OPCML: variants seen among roughly 807,000 people sequenced by gnomAD.
OPCML encodes the protein opioid binding protein/cell adhesion molecule like.
A neutral mutation model predicts 37.8 loss-of-function variants in OPCML; 13 were observed. The ratio of observed to expected loss-of-function variants is 0.34; its 90% CI spans 0.22 to 0.55. OPCML has a LOEUF of 0.55. Ranked by LOEUF, OPCML falls within the 20% of genes least tolerant of loss-of-function variation. The probability of loss-of-function intolerance (pLI) is 0.91; values close to 1 mark genes in which losing one functional copy is unlikely to be tolerated. For missense variants in OPCML, 341 were observed against 435.6 expected (o/e 0.78, Z 1.93); for synonymous variants, 176 against 168.8 (o/e 1.04, Z -0.33).
In OPCML at chr11:133,390,733, G is replaced by T. The variant is rs1366271317; in HGVS notation, c.61+141531C>A. ...GAGGAAGTCACTCTAACAACTCAAT[G>T]CAGTTTGGAAAAGGGTTGGGATCAA... On this transcript the variant is annotated intron_variant, in intron 1 of 7. Coordinates refer to ENST00000524381, the MANE Select transcript of OPCML (RefSeq NM_001012393.5). Among the ~76,000 whole-genome samples the T allele has an allele frequency of 3.3e-5, 5 of 152,138 alleles. No individual in the cohort carries two copies. In the East Asian group the frequency reaches 9.7e-4, roughly 29 times the overall value.
At chr11:133,326,602 GTA>G (rs761456307) in intron 1 of OPCML, among the ~76,000 whole-genome samples, 51 of 131,568 alleles carry the variant, frequency 3.9e-4, no homozygotes, top group Non-Finnish European at 6.4e-4. Flanking sequence ...TGGGTTGTGG[GTA>G]TATGTGTGTA....
intron 1 of OPCML, among the ~76,000 whole-genome samples, chr11:133,106,286 C>A (rs1003285067): frequency 2.0e-5 from 3 of 152,188 alleles, no homozygotes; most frequent in Non-Finnish European, 4.4e-5. Context: ...CGTATGCTCA[C>A]GCTGTCCATT....
chr11:132,793,727 C>G (rs1938099908), intron 2 of OPCML, among the ~76,000 whole-genome samples: 1 of 152,186 alleles, frequency 6.6e-6, no homozygotes, highest in African/African-American at 2.4e-5. Flanking sequence ...CCACTGTCAT[C>G]TCCTAATATG....
At chr11:133,188,002 G>C (rs1318186011) in intron 1 of OPCML, among the ~76,000 whole-genome samples, 1 of 152,186 alleles carries the variant, frequency 6.6e-6, no homozygotes, top group Non-Finnish European at 1.5e-5. Flanking sequence ...GCAGCTCTGG[G>C]TGACAACAAA....
At chr11:132,708,874 T>G (rs1276069960) in intron 2 of OPCML, among the ~76,000 whole-genome samples, 1 of 152,242 alleles carries the variant, frequency 6.6e-6, no homozygotes, top group East Asian at 1.9e-4. Context: ...GCTTAGCACT[T>G]TAACAAAATG....
chr11:132,595,643 C>G (rs1438310581), intron 3 of OPCML, among the ~76,000 whole-genome samples: 4 of 152,286 alleles, frequency 2.6e-5, no homozygotes, highest in Admixed American at 2.6e-4. Flanking sequence ...CTCTGAGCCC[C>G]ACAGTTAGGA....
intron 1 of OPCML, among the ~76,000 whole-genome samples, chr11:133,483,346 T>TAGATA (rs1555165554): frequency 1.2e-5 from 1 of 86,508 alleles, no homozygotes; most frequent in African/African-American, 8.0e-5. Context: ...AGATAATAGA[T>TAGATA]ATAGATAGAT....
chr11:132,778,062 C>G (rs1946867381), intron 2 of OPCML, among the ~76,000 whole-genome samples: 1 of 152,136 alleles, frequency 6.6e-6, no homozygotes, highest in Non-Finnish European at 1.5e-5. Flanking sequence ...GGAAGGCTGA[C>G]CAGCAGTAAC....
At chr11:133,084,975 A>T (rs1045137784) in intron 1 of OPCML, among the ~76,000 whole-genome samples, 2 of 152,206 alleles carry the variant, frequency 1.3e-5, no homozygotes, top group Non-Finnish European at 2.9e-5. Context: ...AATAAAGATT[A>T]AACCATGTAT....
chr11:133,207,536 C>T (rs571703876), intron 1 of OPCML, among the ~76,000 whole-genome samples: 3 of 152,288 alleles, frequency 2.0e-5, no homozygotes, highest in East Asian at 1.9e-4. Flanking sequence ...CTGGACAATT[C>T]GCTCTGTCAC....
intron 1 of OPCML, among the ~76,000 whole-genome samples, chr11:133,287,281 T>A (rs546337518): frequency 1.4e-5 from 2 of 147,740 alleles, no homozygotes; most frequent in Non-Finnish European, 3.0e-5. Context: ...CTTTCTTTTT[T>A]TTTTTTTTTT....
At chr11:132,922,531 G>C (rs1944842660) in intron 2 of OPCML, among the ~76,000 whole-genome samples, 1 of 152,068 alleles carries the variant, frequency 6.6e-6, no homozygotes, top group African/African-American at 2.4e-5. Context: ...GGGCGGCAGA[G>C]TGGCTGCCTC....
chr11:132,739,872 G>T (rs1945381999), intron 2 of OPCML, among the ~76,000 whole-genome samples: 1 of 152,008 alleles, frequency 6.6e-6, no homozygotes, highest in Non-Finnish European at 1.5e-5. Flanking sequence ...CAGTGTTTTG[G>T]TACAGCTCAG....
intron 1 of OPCML, among the ~76,000 whole-genome samples, chr11:133,356,519 G>A (rs1260697982): frequency 6.6e-6 from 1 of 152,148 alleles, no homozygotes; most frequent in Non-Finnish European, 1.5e-5. Flanking sequence ...TTGTCACCAT[G>A]TGGACAGAGG....
At chr11:132,797,271 T>G (rs1938380688) in intron 2 of OPCML, among the ~76,000 whole-genome samples, 1 of 152,226 alleles carries the variant, frequency 6.6e-6, no homozygotes, top group Non-Finnish European at 1.5e-5. Flanking sequence ...CATGTTGGAT[T>G]AATTTTGGTG....
At chr11:133,327,729 T>C (rs539462661) in intron 1 of OPCML, among the ~76,000 whole-genome samples, 3 of 152,272 alleles carry the variant, frequency 2.0e-5, no homozygotes, top group East Asian at 1.9e-4. Flanking sequence ...CTTCCTTTGA[T>C]AGGCAGAGAC....
In OPCML at chr11:132,600,625, C is replaced by G. The variant is rs547590946; in HGVS notation, c.379+56462G>C. On this transcript the variant is annotated intron_variant, in intron 3 of 7. Transcript: ENST00000524381. ...AACCCTGATATATGACGTGTGACAA[C>G]AAGAAAATAATTGGGGACCAAAAGC... Among the ~76,000 whole-genome samples the G allele has an allele frequency of 4.6e-5, 7 of 152,186 alleles. No homozygotes were observed. In the South Asian group the frequency reaches 1.0e-3, roughly 23 times the overall value.
chr11:133,081,079 C>G (rs1355409704), intron 1 of OPCML, among the ~76,000 whole-genome samples: 1 of 152,100 alleles, frequency 6.6e-6, no homozygotes, highest in Non-Finnish European at 1.5e-5. Flanking sequence ...GACCCGAAGC[C>G]GAGATAATCA....
At chr11:133,464,101 T>A in intron 1 of OPCML, among the ~76,000 whole-genome samples, 1 of 152,196 alleles carries the variant, frequency 6.6e-6, no homozygotes, top group Non-Finnish European at 1.5e-5. Context: ...CAATCCATCC[T>A]GCACACCTGC....
Sources: gnomAD v4.1 joint callset for allele counts (sites outside exome capture counted in the v4.1 genomes callset) on GRCh38, gnomAD v4.1.1 for gene constraint, MANE v1.5 for transcripts, NCBI Gene and HGNC (gene_info 2026-07-23, HGNC 2026-07-21) for gene names.